EVC2: variants seen among roughly 807,000 people sequenced by gnomAD.
The protein encoded by EVC2 is EvC ciliary complex subunit 2.
A neutral mutation model predicts 149.3 loss-of-function variants in EVC2; 148 were observed. That is an observed-to-expected ratio of 0.99 (90% CI 0.87 to 1.14). The LOEUF is 1.14. Ranked by LOEUF, EVC2 falls within the 50% of genes most tolerant of loss-of-function variation. EVC2 has a pLI of 0.00. For missense variants in EVC2, 1,854 were observed against 1,627.3 expected (o/e 1.14, Z -2.40); for synonymous variants, 776 against 649.9 (o/e 1.19, Z -2.95).
chr4:5,608,900 G>A (rs766013339), intron 16 of EVC2, among the ~76,000 whole-genome samples: 30 of 152,212 alleles, frequency 2.0e-4, no homozygotes, highest in Admixed American at 3.3e-4. Flanking sequence ...GGCTGTCATC[G>A]AATCCCCAGG....
At chr4:5,564,032 T>G (rs1722116892) in intron 21 of EVC2, among the ~76,000 whole-genome samples, 1 of 151,580 alleles carries the variant, frequency 6.6e-6, no homozygotes, top group African/African-American at 2.4e-5. Context: ...CACAGCGCTC[T>G]CTCTCTGCCC....
Position 5,614,669 on chromosome 4 carries a change from TAGAACATCACGTATGAA to T in EVC2, c.2829+736_2829+752del, listed in dbSNP as rs1366778490. Among the ~76,000 whole-genome samples the T allele has an allele frequency of 6.6e-6, 1 of 152,130 alleles. No individual in the cohort carries two copies. The highest frequency in any genetic ancestry group is 2.4e-5 in the African/African-American group (1 of 41,424). On this transcript the variant is annotated intron_variant, in intron 16 of 21. Coordinates refer to ENST00000344408, the MANE Select transcript of EVC2 (RefSeq NM_147127.5). The surrounding 1 kb of genome is among the most constrained non-coding windows in gnomAD (Gnocchi z 4.7). The stretch of plus-strand genomic sequence containing the variant: ...TCCTAGGAGACTGTGTGGTGTGTGC[TAGAACATCACGTATGAA>T]ATGGGGCTGGGCCAGGCACAGTGCC...
rs572056540 is a variant in EVC2, at chr4:5,622,728, C to A, written c.2310G>T (p.Trp770Cys). 1.6e-4 allele frequency: 263 copies of A among 1,614,138 alleles called. 3 individuals carry two copies. In the South Asian group the frequency reaches 2.6e-3, roughly 16 times the overall value. The change falls in exon 14 of 22, where the codon TGG becomes TGT. Residue 770 changes from tryptophan (W) to cysteine (C), a missense_variant. Transcript: ENST00000344408. This position sits in a 1 kb window ranked among gnomAD's most constrained non-coding sequence, Gnocchi z 5.8. Reference sequence around the variant, plus strand: ...CCTCCAGGATCTGCTGCAGGAAGAGCCAGGGCACCCCACGCTTGAGCAGCT... The same window carrying A: ...CCTCCAGGATCTGCTGCAGGAAGAGACAGGGCACCCCACGCTTGAGCAGCT... ...TQELLKRGVP[W>C]LFLQQILEEH...
At chr4:5,599,407 T>C (rs1166805804) in intron 16 of EVC2, among the ~76,000 whole-genome samples, 26 of 152,150 alleles carry the variant, frequency 1.7e-4, no homozygotes, top group Admixed American at 5.9e-4. Flanking sequence ...AATGATGAGT[T>C]CATGTCATTT....
At chr4:5,596,372 T>C (rs1170149217) in intron 16 of EVC2, among the ~76,000 whole-genome samples, 1 of 152,228 alleles carries the variant, frequency 6.6e-6, no homozygotes, top group African/African-American at 2.4e-5. Context: ...AAACTGTCTC[T>C]GAGACCACGG....
At chr4:5,694,105 C>T (rs1721305746) in intron 3 of EVC2, among the ~76,000 whole-genome samples, 1 of 152,178 alleles carries the variant, frequency 6.6e-6, no homozygotes, top group Non-Finnish European at 1.5e-5. Flanking sequence ...GATGAGGCAG[C>T]CTAATGCTGA....
chr4:5,583,953 G>A (rs796499301), intron 17 of EVC2, among the ~76,000 whole-genome samples: 6 of 152,026 alleles, frequency 3.9e-5, no homozygotes, highest in African/African-American at 1.2e-4. Flanking sequence ...CATCTCCTGG[G>A]TTCAAGCGAT....
rs1715085637 is a variant in EVC2, at chr4:5,614,472, A to AGTGGG, written c.2829+945_2829+949dup. 6.6e-6 allele frequency among the ~76,000 whole-genome samples: 1 copy of AGTGGG among 152,118 alleles called. No individual in the cohort carries two copies. ...GGTGCTATGGTAAGGAAGAGTTGGA[A>AGTGGG]GTGGGGTGGAATGAGTGGGAGAATC... On this transcript the variant is annotated intron_variant, in intron 16 of 21. Transcript: ENST00000344408. This position sits in a 1 kb window ranked among gnomAD's most constrained non-coding sequence, Gnocchi z 4.7.
At chr4:5,663,065 T>C (rs2108895733) in intron 9 of EVC2, 42 bp downstream of exon 9, 4 of 1,612,274 alleles carry the variant, frequency 2.5e-6, no homozygotes, top group East Asian at 4.5e-5. Context: ...GTTAAAACAT[T>C]CATCACATGT....
intron 21 of EVC2, among the ~76,000 whole-genome samples, chr4:5,556,645 G>A (rs1721845606): frequency 1.3e-5 from 2 of 152,010 alleles, no homozygotes; most frequent in Admixed American, 1.3e-4. Flanking sequence ...GAAACCAGAA[G>A]CTGGTTCTCT....
At chr4:5,676,962 G>T (rs6446386) in intron 7 of EVC2, among the ~76,000 whole-genome samples, 3 of 151,954 alleles carry the variant, frequency 2.0e-5, no homozygotes, top group Admixed American at 2.0e-4. Context: ...CTGAGCCTGA[G>T]GTACACTTAT....
At chr4:5,661,094 C>T (rs1014654132) in intron 9 of EVC2, among the ~76,000 whole-genome samples, 2 of 152,136 alleles carry the variant, frequency 1.3e-5, no homozygotes, top group Admixed American at 6.5e-5. Context: ...CAAATTCACA[C>T]AAATTACCCT....
In EVC2 at chr4:5,708,529, G is replaced by T. The variant is rs1235922656; in HGVS notation, c.-16C>A. The T allele has an allele frequency of 7.0e-7, 1 of 1,428,702 alleles. No homozygotes were observed. Among genetic ancestry groups the T allele is most frequent in the Non-Finnish European group, 9.1e-7 (1 of 1,096,364 alleles). The allele number at this position is 1,428,702 out of a possible 1,614,324, so 88.5% of individuals were successfully genotyped here. ...AGGGGTCCATCGCCTGTCGGGACCC[G>T]CTACCTCAAAGCGGCGGGTGCCGCC... On this transcript the variant is annotated 5_prime_UTR_variant, in exon 1 of 22. Coordinates refer to ENST00000344408, the MANE Select transcript of EVC2 (RefSeq NM_147127.5).
chr4:5,676,869 C>T (rs1375196446), intron 7 of EVC2, among the ~76,000 whole-genome samples: 1 of 151,994 alleles, frequency 6.6e-6, no homozygotes, highest in Admixed American at 6.6e-5. Flanking sequence ...TGTAGTGCCT[C>T]AGTGTGAGGG....
rs1226032852 is a variant in EVC2 at position 5,643,755 on chromosome 4, CACTAAA to C, written c.1146-2923_1146-2918del. ...GGCCAACATGGTGAAATGCCATCTC[CACTAAA>C]ACTACAAAAATTAGCCAGGTGTGGT... On this transcript the variant is annotated intron_variant, in intron 9 of 21. Coordinates refer to ENST00000344408, the MANE Select transcript of EVC2 (RefSeq NM_147127.5). 2.6e-5 allele frequency among the ~76,000 whole-genome samples: 4 copies of C among 152,066 alleles called. No homozygotes were observed. The East Asian group carries it at 7.7e-4, about 29-fold the overall frequency.
chr4:5,573,516 G>A (rs961172781), intron 19 of EVC2, among the ~76,000 whole-genome samples: 3 of 152,130 alleles, frequency 2.0e-5, no homozygotes, highest in Non-Finnish European at 4.4e-5. Context: ...AACCACAATG[G>A]GCTGAACCCT....
In EVC2 at chr4:5,694,359, T is replaced by C. The variant is rs1721325510; in HGVS notation, c.426A>G (p.Arg142=). The C allele has an allele frequency of 1.2e-6, 2 of 1,614,126 alleles. No individual in the cohort carries two copies. Among genetic ancestry groups the C allele is most frequent in the South Asian group, 1.1e-5 (1 of 91,074 alleles). ...CCAGGCGGTGTGTTATAGGAGACTC[T>C]CTTTTAAATAAGTTCTTCTTAGGCC... ...PSWPKKNLFK[R]ESPITHRLYG... Residue 142 remains arginine, a synonymous_variant, in exon 3 of 22, where the codon AGA becomes AGG. Coordinates refer to ENST00000344408, the MANE Select transcript of EVC2 (RefSeq NM_147127.5).
intron 5 of EVC2, among the ~76,000 whole-genome samples, chr4:5,688,851 T>G (rs2151731253): frequency 6.6e-6 from 1 of 152,342 alleles, no homozygotes; most frequent in East Asian, 1.9e-4. Flanking sequence ...CAACTCTATC[T>G]TTGTGCATGT....
intron 9 of EVC2, among the ~76,000 whole-genome samples, chr4:5,651,994 G>C (rs1335748521): frequency 2.6e-5 from 4 of 152,236 alleles, no homozygotes; most frequent in Non-Finnish European, 4.4e-5. Context: ...TTAGGCATCT[G>C]ACACGGAGCC....
Sources: allele counts gnomAD v4.1 joint callset (sites outside exome capture counted in the v4.1 genomes callset), GRCh38; gene constraint gnomAD v4.1.1; non-coding constraint Gnocchi (gnomAD v3.1); transcripts MANE v1.5; gene names NCBI Gene and HGNC (gene_info 2026-07-23, HGNC 2026-07-21).